Variants in TTC28 observed in about 807,000 individuals in gnomAD.
TTC28 encodes tetratricopeptide repeat protein 28.
In TTC28, 61 loss-of-function variants were observed where a neutral mutation model predicts 198.0. The observed-to-expected ratio is 0.31, with a 90% CI of 0.25 to 0.38. TTC28 has a LOEUF of 0.38. TTC28 is among the 10% of genes least tolerant of loss of function. TTC28 has a pLI of 1.00. For synonymous variants in TTC28, 1,171 were observed against 1,297.8 expected (o/e 0.90, Z 2.10); for missense variants, 2,678 against 3,164.0 (o/e 0.85, Z 3.69).
chr22:28,032,266 T>TATATATATAAAATATATATATATAA (rs1939159779), intron 12 of TTC28, among the ~76,000 whole-genome samples: 1 of 69,026 alleles, frequency 1.4e-5, no homozygotes, highest in Non-Finnish European at 2.8e-5. Context: ...TATATATATA[T>TATATATATAAAATATATATATATAA]AGTGTGTGTG....
chr22:28,110,180 G>A (rs1346682400), intron 6 of TTC28, among the ~76,000 whole-genome samples: 1 of 152,170 alleles, frequency 6.6e-6, no homozygotes, highest in Non-Finnish European at 1.5e-5. Context: ...GTGAGTCTGT[G>A]GGGACCACTC....
Position 27,989,957 on chromosome 22 carries a change from C to T in TTC28, c.5628G>A (p.Leu1876=). ...QLQAGEKEQD[L]ASAPIQVSIS... is the part of the protein sequence containing the mutation. ...TGGAGACCTGAATGGGAGCTGATGC[C>T]AAGTCCTGCTCCTTCTCGCCAGCCT... is the stretch of plus-strand genomic sequence containing the variant. Residue 1876 remains leucine, a synonymous_variant, in exon 21 of 23, where the codon TTG becomes TTA. Transcript: ENST00000397906. The T allele has an allele frequency of 6.4e-7, 1 of 1,551,320 alleles. No individual in the cohort carries two copies. The highest frequency in any genetic ancestry group is 1.7e-4 in the Middle Eastern group (1 of 5,992).
chr22:28,489,729 T>C (rs1329828098), intron 2 of TTC28, among the ~76,000 whole-genome samples: 1 of 152,092 alleles, frequency 6.6e-6, no homozygotes, highest in Non-Finnish European at 1.5e-5. Context: ...AAGAGCAGCC[T>C]GGGCAATACA....
At chr22:28,567,300 G>C (rs1205117554) in intron 2 of TTC28, among the ~76,000 whole-genome samples, 2 of 147,436 alleles carry the variant, frequency 1.4e-5, no homozygotes, top group African/African-American at 5.0e-5. Context: ...GATGTGAGAG[G>C]ATCAATTGAG....
intron 1 of TTC28, among the ~76,000 whole-genome samples, chr22:28,658,080 A>T (rs2051688812): frequency 6.6e-6 from 1 of 152,208 alleles, no homozygotes; most frequent in African/African-American, 2.4e-5. Context: ...ATGATTAAGG[A>T]TTCAGAATTA....
chr22:28,091,835 T>G (rs904218316), intron 12 of TTC28, among the ~76,000 whole-genome samples: 1 of 152,142 alleles, frequency 6.6e-6, no homozygotes, highest in African/African-American at 2.4e-5. Flanking sequence ...TAATTAAAAT[T>G]GTAGTAAATG....
intron 12 of TTC28, among the ~76,000 whole-genome samples, chr22:28,067,883 G>A (rs1020240238): frequency 9.2e-5 from 14 of 152,186 alleles, no homozygotes; most frequent in Admixed American, 4.6e-4. Flanking sequence ...CTGCTTCTTA[G>A]CCCATTTTGA....
chr22:28,629,483 T>C, intron 2 of TTC28, 69 bp downstream of exon 2: 1 of 1,405,322 alleles, frequency 7.1e-7, no homozygotes, highest in East Asian at 2.5e-5. Flanking sequence ...CAACAAAATA[T>C]TACATTAAAG....
chr22:28,280,389 C>T (rs113656896), intron 5 of TTC28, among the ~76,000 whole-genome samples: 12 of 151,980 alleles, frequency 7.9e-5, no homozygotes, highest in Middle Eastern at 3.4e-3. Flanking sequence ...TGCAATGGCG[C>T]GACCTCGGCT....
chr22:28,337,300 A>G (rs188319645), intron 2 of TTC28, among the ~76,000 whole-genome samples: 10,627 of 152,204 alleles, frequency 0.07, 559 homozygotes, highest in Middle Eastern at 0.12. Flanking sequence ...GTGGTGCTGA[A>G]AAGAATGTAT....
chr22:28,380,104 T>C (rs1368192977), intron 2 of TTC28, among the ~76,000 whole-genome samples: 1 of 151,648 alleles, frequency 6.6e-6, no homozygotes, highest in Non-Finnish European at 1.5e-5. Context: ...ATCTCTGTTC[T>C]AGTTTTGCAA....
intron 2 of TTC28, among the ~76,000 whole-genome samples, chr22:28,538,093 G>A (rs1452620729): frequency 6.6e-6 from 1 of 152,060 alleles, no homozygotes; most frequent in African/African-American, 2.4e-5. Flanking sequence ...ATCTCTTTTA[G>A]ATTATTTTAA....
At chr22:28,029,804 T>G (rs1242472190) in intron 13 of TTC28, among the ~76,000 whole-genome samples, 1 of 152,196 alleles carries the variant, frequency 6.6e-6, no homozygotes, top group African/African-American at 2.4e-5. Flanking sequence ...ACTAGCATTC[T>G]CACTCTCCCT....
intron 2 of TTC28, among the ~76,000 whole-genome samples, chr22:28,481,093 C>G (rs1406640053): frequency 5.3e-5 from 8 of 152,168 alleles, no homozygotes; most frequent in Admixed American, 4.6e-4. Flanking sequence ...TTATTCTATT[C>G]TTTGTGATAT....
intron 2 of TTC28, among the ~76,000 whole-genome samples, chr22:28,314,084 C>G (rs559922281): frequency 2.0e-5 from 3 of 152,130 alleles, no homozygotes; most frequent in Admixed American, 6.5e-5. Context: ...AAACAGAGAG[C>G]CAAATCATGA....
rs1158856279 is a variant in TTC28, at chr22:28,107,952, T to C, written c.1893A>G (p.Glu631=). 6.4e-7 allele frequency: 1 copy of C among 1,551,668 alleles called. No individual in the cohort carries two copies. Among genetic ancestry groups the C allele is most frequent in the Admixed American group, 2.0e-5 (1 of 50,994 alleles). ...LRLAPDLQDM[E]GEGKVCHNLG... is the part of the protein sequence containing the mutation. ...GATTGTGGCAGACCTTCCCTTCTCCTTCCATGTCTTGAAGGTCGGGAGCAA... is the reference window on the plus strand; with the variant it reads ...GATTGTGGCAGACCTTCCCTTCTCCCTCCATGTCTTGAAGGTCGGGAGCAA... Residue 631 remains glutamate, a synonymous_variant, in exon 7 of 23, where the codon GAA becomes GAG. Coordinates refer to ENST00000397906, the MANE Select transcript of TTC28 (RefSeq NM_001145418.2).
chr22:27,982,411 T>C lies in TTC28; in HGVS notation c.7256A>G (p.Gln2419Arg). Residue 2419 changes from glutamine (Q) to arginine (R), a missense_variant, in exon 23 of 23, where the codon CAG (glutamine) becomes CGG (arginine). Gln to Arg is a conservative substitution (Grantham distance 43, BLOSUM62 1). Coordinates refer to ENST00000397906, the MANE Select transcript of TTC28 (RefSeq NM_001145418.2). This position sits in a 1 kb window ranked among gnomAD's most constrained non-coding sequence, Gnocchi z 5.2. ...DKLELKELSL[Q>R]QHDGAPPKAP... ...TTTCGGTGGAGCTCCGTCATGCTGC[T>C]GCAGGGACAGCTCCTTCAGTTCAAG... 6.4e-7 allele frequency: 1 copy of C among 1,551,384 alleles called. No individual in the cohort carries two copies. Among genetic ancestry groups the C allele is most frequent in the African/African-American group, 1.4e-5 (1 of 73,078 alleles).
chr22:28,183,107 G>A (rs1256321826), intron 5 of TTC28, among the ~76,000 whole-genome samples: 1 of 151,474 alleles, frequency 6.6e-6, no homozygotes, highest in Non-Finnish European at 1.5e-5. Context: ...CACCCAGGCT[G>A]GAGTACAGGG....
chr22:28,604,297 T>TACATATATATATATATA (rs1053139903), intron 2 of TTC28, among the ~76,000 whole-genome samples: 82 of 114,130 alleles, frequency 7.2e-4, no homozygotes, highest in African/African-American at 2.8e-3. Flanking sequence ...AAAAAAAAAA[T>TACATATATATATATATA]TATATATATA....
Sources: gnomAD v4.1 joint callset for allele counts (sites outside exome capture counted in the v4.1 genomes callset) on GRCh38, gnomAD v4.1.1 for gene constraint, Gnocchi (gnomAD v3.1) non-coding constraint, MANE v1.5 for transcripts, NCBI Gene and HGNC (gene_info 2026-07-23, HGNC 2026-07-21) for gene names.